IFFO2: variants seen among roughly 807,000 people sequenced by gnomAD.
IFFO2 encodes intermediate filament family orphan 2.
IFFO2 carries 19 observed loss-of-function variants against 53.5 expected under a neutral mutation model. The observed-to-expected ratio is 0.36, with a 90% CI of 0.25 to 0.52. The LOEUF (loss-of-function observed/expected upper bound fraction) is 0.52, where lower values mean the gene tolerates loss of function less well. IFFO2 is among the 20% of genes least tolerant of loss of function. IFFO2 has a pLI of 0.94. For synonymous variants in IFFO2, 303 were observed against 313.6 expected, an observed-to-expected ratio of 0.97 and a Z score of 0.36; for missense variants, 570 against 727.4, an observed-to-expected ratio of 0.78 and a Z score of 2.49.
Position 18,956,098 on chromosome 1 carries a change from G to T in IFFO2, c.235C>A (p.Arg79=), listed in dbSNP as rs1250175217. The T allele has an allele frequency of 6.7e-7, 1 of 1,500,576 alleles. No homozygotes were observed. Among genetic ancestry groups the T allele is most frequent in the East Asian group, 2.7e-5 (1 of 37,466 alleles). 93.0% of individuals were successfully genotyped at this position (1,500,576 alleles called of 1,614,324 possible). A position where few individuals can be genotyped will look rare whatever the true frequency, so the allele number is the denominator to read the frequency against. The change falls in exon 1 of 9, where the codon CGG becomes AGG. Residue 79 remains arginine, a synonymous_variant. Coordinates refer to ENST00000455833, the MANE Select transcript of IFFO2 (RefSeq NM_001136265.2). The surrounding 1 kb of genome is among the most constrained non-coding windows in gnomAD (Gnocchi z 6.4). The part of the protein sequence containing the change: ...AKVHELERRN[R]LLEKQLEQQQ... ...TGCTCCAGCTGCTTCTCCAGCAGCC[G>T]GTTGCGCCGCTCCAGCTCGTGCACC...
intron 1 of IFFO2, among the ~76,000 whole-genome samples, chr1:18,935,700 CTTTT>C (rs71763185): frequency 5.7e-5 from 8 of 139,292 alleles, no homozygotes; most frequent in African/African-American, 8.2e-5. Flanking sequence ...CTCCTTCTGT[CTTTT>C]TTTTTTTTTT....
intron 1 of IFFO2, among the ~76,000 whole-genome samples, chr1:18,948,490 C>T (rs1017565163): frequency 1.3e-5 from 2 of 152,236 alleles, no homozygotes; most frequent in African/African-American, 4.8e-5. Context: ...CCAGGCATTG[C>T]CATTTGCCAG....
chr1:18,932,494 T>C (rs1936392984), intron 1 of IFFO2, among the ~76,000 whole-genome samples: 1 of 152,218 alleles, frequency 6.6e-6, no homozygotes, highest in Non-Finnish European at 1.5e-5. Flanking sequence ...CTGAGCTGTG[T>C]GCCTTGAGCC....
At position 18,952,013 on chromosome 1, in the gene IFFO2, G is replaced by T. The variant is rs376375401; in HGVS notation, c.665+3655C>A. ...GGAGCTGAGGCCCAGAGAGGGCAGC[G>T]GTTGGCCAGAGGTCACACAGCACCT... On this transcript the variant is annotated intron_variant, in intron 1 of 8. Transcript: ENST00000455833. Among the ~76,000 whole-genome samples, 5 of 152,292 alleles carry T rather than the reference G, an allele frequency of 3.3e-5. No individual in the cohort carries two copies. In the South Asian group the frequency reaches 8.3e-4, roughly 25 times the overall value.
chr1:18,914,664 C>CAA (rs71577804), intron 5 of IFFO2, among the ~76,000 whole-genome samples: 2 of 150,486 alleles, frequency 1.3e-5, no homozygotes, highest in Non-Finnish European at 3.0e-5. Context: ...TAAAAAAATA[C>CAA]AAAAAAAAAT....
rs758243308 is a variant in IFFO2 at position 18,907,648 on chromosome 1, G to A, written c.*913C>T. 15 of 152,208 alleles carry A rather than the reference G, an allele frequency of 9.9e-5. No individual in the cohort carries two copies. The highest frequency in any genetic ancestry group is 1.6e-4 in the Non-Finnish European group (11 of 68,102). 9.4% of individuals were successfully genotyped at this position (152,208 alleles called of 1,614,324 possible). A position where few individuals can be genotyped will look rare whatever the true frequency, so the allele number is the denominator to read the frequency against. On this transcript the variant is annotated 3_prime_UTR_variant, in exon 9 of 9. Transcript: ENST00000455833. ...CCCAGAGGTCCGGAAGGAAGCAAGC[G>A]GTCAGGGAGGCCAGTGCCTTGCGGG...
chr1:18,956,128 C>T lies in IFFO2; in HGVS notation c.205G>A (p.Ala69Thr). 1 of 1,508,634 alleles carries T rather than the reference C, an allele frequency of 6.6e-7. No homozygotes were observed. The highest frequency in any genetic ancestry group is 2.6e-5 in the East Asian group (1 of 38,112). 93.5% of individuals were successfully genotyped at this position (1,508,634 alleles called of 1,614,324 possible). ...CGCCGCTCCAGCTCGTGCACCTTAG[C>T]CAGGAAGCAGCGGAAGCGCACGTTG... ...GLNVRFRCFL[A>T]KVHELERRNR... The change falls in exon 1 of 9, where the codon GCT becomes ACT. Residue 69 changes from alanine (A) to threonine (T), a missense_variant. Ala to Thr is a moderately conservative substitution (Grantham distance 58, BLOSUM62 0). Transcript: ENST00000455833. This position sits in a 1 kb window ranked among gnomAD's most constrained non-coding sequence, Gnocchi z 6.4.
In IFFO2 at chr1:18,905,890, A is replaced by T. The variant is rs1214843714; in HGVS notation, c.*2671T>A. 6.6e-6 allele frequency: 1 copy of T among 152,216 alleles called. No individual in the cohort carries two copies. Among genetic ancestry groups the T allele is most frequent in the Admixed American group, 6.5e-5 (1 of 15,284 alleles). The allele number at this position is 152,216 out of a possible 1,614,324, so 9.4% of individuals were successfully genotyped here. A position where few individuals can be genotyped will look rare whatever the true frequency, so the allele number is the denominator to read the frequency against. On this transcript the variant is annotated 3_prime_UTR_variant, in exon 9 of 9. Transcript: ENST00000455833. The stretch of plus-strand genomic sequence containing the variant: ...TATGACACTGGGCTTAGAAATAGAA[A>T]GTCAAAATTAAGTATTTACAGCTTT...
chr1:18,937,215 TG>T (rs1229057503), intron 1 of IFFO2, among the ~76,000 whole-genome samples: 1 of 152,018 alleles, frequency 6.6e-6, no homozygotes, highest in African/African-American at 2.4e-5. Context: ...AAAAGACACG[TG>T]GGGCTTGTGC....
chr1:18,926,999 C>T (rs1466285583), intron 1 of IFFO2, among the ~76,000 whole-genome samples: 1 of 152,206 alleles, frequency 6.6e-6, no homozygotes, highest in African/African-American at 2.4e-5. Flanking sequence ...GAGACGGGTT[C>T]AAATCCTGCC....
chr1:18,955,841 G>A lies in IFFO2; in HGVS notation c.492C>T (p.Tyr164=), dbSNP rs890648555. ...CGCCGCCCGTGCGCCGCACCTGCGT[G>A]TAGCTCCAGATGGTCCCGGGCAGGC... ...YGRLPGTIWS[Y]TQVRRTGGGG... is the part of the protein sequence containing the mutation. The change falls in exon 1 of 9, where the codon TAC becomes TAT. Residue 164 remains tyrosine, a synonymous_variant. Coordinates refer to ENST00000455833, the MANE Select transcript of IFFO2 (RefSeq NM_001136265.2). 14 of 1,513,324 alleles carry A rather than the reference G, an allele frequency of 9.3e-6. No homozygotes were observed. The Admixed American group carries it at 1.2e-4, about 13-fold the overall frequency. 93.7% of individuals were successfully genotyped at this position (1,513,324 alleles called of 1,614,324 possible).
intron 5 of IFFO2, among the ~76,000 whole-genome samples, chr1:18,914,073 C>T (rs577226094): frequency 1.9e-4 from 29 of 152,306 alleles, no homozygotes; most frequent in African/African-American, 4.3e-4. Context: ...CCTCGTGATC[C>T]GCCTGCCTCG....
chr1:18,912,156 G>C, intron 5 of IFFO2, 73 bp from the exon 6 acceptor site: 1 of 1,533,064 alleles, frequency 6.5e-7, no homozygotes, highest in Non-Finnish European at 8.8e-7. Flanking sequence ...GGACAGAAAG[G>C]GGCAGCTGCC....
At chr1:18,951,907 G>A (rs186571237) in intron 1 of IFFO2, among the ~76,000 whole-genome samples, 2 of 152,222 alleles carry the variant, frequency 1.3e-5, no homozygotes, top group East Asian at 3.9e-4. Flanking sequence ...GCCACAACAC[G>A]GGCCTCTTGG....
chr1:18,955,711 C>A lies in IFFO2; in HGVS notation c.622G>T (p.Val208Leu). ...ITPEIRALYN[V>L]LAKVKRERDE... ...CGCTCGCGCTTCACCTTGGCCAGCA[C>A]GTTGTAGAGCGCGCGGATCTCCGGC... Residue 208 changes from valine to leucine, a missense_variant, in exon 1 of 9, where the codon GTG becomes TTG. Physicochemically the swap from Val to Leu is conservative, Grantham distance 32. Coordinates refer to ENST00000455833, the MANE Select transcript of IFFO2 (RefSeq NM_001136265.2). 1 of 1,595,890 alleles carries A rather than the reference C, an allele frequency of 6.3e-7. No homozygotes were observed.
At chr1:18,953,776 T>C (rs905295463) in intron 1 of IFFO2, among the ~76,000 whole-genome samples, 1 of 152,180 alleles carries the variant, frequency 6.6e-6, no homozygotes, top group Admixed American at 6.5e-5. Flanking sequence ...CGCCAGAAGC[T>C]GACATCACAC....
chr1:18,934,033 G>A (rs1936413337), intron 1 of IFFO2, among the ~76,000 whole-genome samples: 1 of 134,742 alleles, frequency 7.4e-6, no homozygotes. Flanking sequence ...CTGTCCTTCT[G>A]TGAATAGCTT....
At chr1:18,932,124 G>A (rs995586269) in intron 1 of IFFO2, among the ~76,000 whole-genome samples, 3 of 152,160 alleles carry the variant, frequency 2.0e-5, no homozygotes, top group Admixed American at 6.5e-5. Context: ...CCAACCACAC[G>A]CTCCCGGGCA....
intron 7 of IFFO2, among the ~76,000 whole-genome samples, chr1:18,910,730 A>T (rs1449935781): frequency 6.6e-6 from 1 of 152,198 alleles, no homozygotes; most frequent in Non-Finnish European, 1.5e-5. Context: ...GCTCTGATGC[A>T]CCCCACCCGG....
Sources: allele counts gnomAD v4.1 joint callset (sites outside exome capture counted in the v4.1 genomes callset), GRCh38; gene constraint gnomAD v4.1.1; non-coding constraint Gnocchi (gnomAD v3.1); transcripts MANE v1.5; gene names NCBI Gene and HGNC (gene_info 2026-07-23, HGNC 2026-07-21).